Variants in SMAP1 observed in about 807,000 individuals in gnomAD.
SMAP1 encodes stromal membrane-associated protein 1.
In SMAP1, 24 loss-of-function variants were observed where a neutral mutation model predicts 58.5. The ratio of observed to expected loss-of-function variants is 0.41; its 90% CI spans 0.30 to 0.58. The LOEUF is 0.58. Ranked by LOEUF, SMAP1 falls within the 20% of genes least tolerant of loss-of-function variation. The pLI is 0.29. For missense variants in SMAP1, 563 were observed against 566.3 expected, an observed-to-expected ratio of 0.99 and a Z score of 0.06; for synonymous variants, 216 against 196.6, an observed-to-expected ratio of 1.10 and a Z score of -0.82.
At chr6:70,818,124 ATCT>A (rs1395595196) in intron 6 of SMAP1, among the ~76,000 whole-genome samples, 2 of 151,878 alleles carry the variant, frequency 1.3e-5, no homozygotes, top group Admixed American at 6.6e-5. Flanking sequence ...AGTGTATCAA[ATCT>A]TCTTTATAAT....
At chr6:70,708,163 CTG>C (rs1234010617) in intron 1 of SMAP1, among the ~76,000 whole-genome samples, 2 of 152,140 alleles carry the variant, frequency 1.3e-5, no homozygotes, top group Non-Finnish European at 2.9e-5. Context: ...ATTCTACTCT[CTG>C]TTTCTGTTTA....
chr6:70,675,846 C>T (rs1766461912), intron 1 of SMAP1, among the ~76,000 whole-genome samples: 1 of 152,006 alleles, frequency 6.6e-6, no homozygotes, highest in South Asian at 2.1e-4. Context: ...GGGGATGGTC[C>T]CACCACCCTA....
intron 6 of SMAP1, among the ~76,000 whole-genome samples, chr6:70,828,502 C>T (rs1364670125): frequency 6.6e-6 from 1 of 152,188 alleles, no homozygotes; most frequent in East Asian, 1.9e-4. Context: ...CACAAAGCCT[C>T]CCACCTACAA....
At chr6:70,784,036 T>G (rs1167218408) in intron 4 of SMAP1, among the ~76,000 whole-genome samples, 4 of 152,030 alleles carry the variant, frequency 2.6e-5, no homozygotes, top group African/African-American at 9.7e-5. Flanking sequence ...GAAAAAATGT[T>G]AAGGGCAGCC....
At chr6:70,702,423 A>T (rs1767671338) in intron 1 of SMAP1, among the ~76,000 whole-genome samples, 1 of 151,370 alleles carries the variant, frequency 6.6e-6, no homozygotes, top group East Asian at 1.9e-4. Flanking sequence ...TTCATTTTAG[A>T]TAGTTGCTAT....
chr6:70,711,469 C>CTGATTTT (rs1424300907), intron 1 of SMAP1, among the ~76,000 whole-genome samples: 3 of 150,118 alleles, frequency 2.0e-5, no homozygotes, highest in Non-Finnish European at 4.4e-5. Flanking sequence ...ATAAATGCAG[C>CTGATTTT]TGATTTTTGT....
At chr6:70,682,170 ATTTTTTTTTTTTTTTTTTTTTTT>A (rs66981900) in intron 1 of SMAP1, among the ~76,000 whole-genome samples, 2 of 95,920 alleles carry the variant, frequency 2.1e-5, no homozygotes, top group African/African-American at 8.5e-5. Flanking sequence ...CTCTGCACAG[ATTTTTTTTTTTTTTTTTTTTTTT>A]TTTTTTTTTT....
intron 2 of SMAP1, among the ~76,000 whole-genome samples, chr6:70,752,601 G>C (rs147404688): frequency 6.6e-6 from 1 of 152,048 alleles, no homozygotes; most frequent in East Asian, 1.9e-4. Flanking sequence ...TCAGGGCCTT[G>C]AGTCCTTGAG....
chr6:70,677,189 T>C (rs1011023907), intron 1 of SMAP1, among the ~76,000 whole-genome samples: 2 of 148,662 alleles, frequency 1.3e-5, no homozygotes, highest in Non-Finnish European at 3.0e-5. Flanking sequence ...AATTTTTTTT[T>C]TTTTTTTTGC....
intron 4 of SMAP1, among the ~76,000 whole-genome samples, chr6:70,785,166 G>A (rs976018065): frequency 7.2e-5 from 11 of 152,084 alleles, no homozygotes; most frequent in East Asian, 1.9e-4. Context: ...AAACCGCTCA[G>A]CTACATGGAA....
chr6:70,820,824 A>T (rs906505060), intron 6 of SMAP1, among the ~76,000 whole-genome samples: 2 of 152,048 alleles, frequency 1.3e-5, no homozygotes, highest in Admixed American at 6.6e-5. Flanking sequence ...AATTTTGCAG[A>T]GTGTGTTGAT....
At chr6:70,844,125 C>G (rs1166933993) in intron 7 of SMAP1, among the ~76,000 whole-genome samples, 2 of 152,100 alleles carry the variant, frequency 1.3e-5, no homozygotes, top group Non-Finnish European at 2.9e-5. Flanking sequence ...CCTCAGGAAT[C>G]TAGTTTATCA....
chr6:70,812,069 C>G (rs1769415488), intron 6 of SMAP1, among the ~76,000 whole-genome samples: 1 of 152,104 alleles, frequency 6.6e-6, no homozygotes, highest in South Asian at 2.1e-4. Context: ...TTATGAATTG[C>G]TTATTTTTGG....
At chr6:70,803,437 A>G (rs931556038) in intron 6 of SMAP1, among the ~76,000 whole-genome samples, 8 of 152,088 alleles carry the variant, frequency 5.3e-5, no homozygotes, top group African/African-American at 1.9e-4. Flanking sequence ...GATCTTTTCA[A>G]AAAACCACTC....
At chr6:70,798,244 TAAA>T (rs1768690710) in intron 5 of SMAP1, among the ~76,000 whole-genome samples, 1 of 151,812 alleles carries the variant, frequency 6.6e-6, no homozygotes, top group Admixed American at 6.6e-5. Context: ...CTTTGTGTAA[TAAA>T]GAAGTCTGTT....
chr6:70,690,071 A>G (rs1262367788), intron 1 of SMAP1, among the ~76,000 whole-genome samples: 1 of 152,146 alleles, frequency 6.6e-6, no homozygotes, highest in Non-Finnish European at 1.5e-5. Context: ...TGCACTGACT[A>G]GAACCTTTAG....
intron 6 of SMAP1, among the ~76,000 whole-genome samples, chr6:70,825,875 C>G (rs767197057): frequency 2.0e-5 from 3 of 152,196 alleles, no homozygotes; most frequent in African/African-American, 7.2e-5. Flanking sequence ...GCATGCCACT[C>G]CTGTGTGCCC....
At chr6:70,692,783 A>G (rs920757232) in intron 1 of SMAP1, among the ~76,000 whole-genome samples, 32 of 151,920 alleles carry the variant, frequency 2.1e-4, no homozygotes, top group African/African-American at 7.2e-4. Context: ...CTATGTGTCT[A>G]TTTTTTGTTG....
chr6:70,852,748 T>C, intron 8 of SMAP1, 84 bp downstream of exon 8: 1 of 1,393,502 alleles, frequency 7.2e-7, no homozygotes, highest in Non-Finnish European at 9.5e-7. Flanking sequence ...GGAAGAATTG[T>C]TTCTGAGCAG....
Sources: allele counts gnomAD v4.1 joint callset (sites outside exome capture counted in the v4.1 genomes callset), GRCh38; gene constraint gnomAD v4.1.1; transcripts MANE v1.5; gene names NCBI Gene and HGNC (gene_info 2026-07-23, HGNC 2026-07-21).